Variants in LOC128462377 observed in about 807,000 individuals in gnomAD.
chr16:89,332,862 G>T, the LOC128462377 span, among the ~76,000 whole-genome samples: 10,155 of 152,292 alleles, frequency 0.067, 1,097 homozygotes, highest in African/African-American at 0.23. Context: ...ATGCTCAAAT[G>T]TTTTATTACT....
chr16:89,354,929 C>T, the LOC128462377 span, among the ~76,000 whole-genome samples: 1 of 152,122 alleles, frequency 6.6e-6, no homozygotes, highest in Non-Finnish European at 1.5e-5. Context: ...GTTCTTCTAG[C>T]TCCTTTGGCA....
At chr16:89,321,908 G>A in the LOC128462377 span, among the ~76,000 whole-genome samples, 2 of 152,296 alleles carry the variant, frequency 1.3e-5, no homozygotes, top group South Asian at 2.1e-4. Context: ...AAAACCCGGA[G>A]GACGAAAGCC....
the LOC128462377 span, chr16:89,392,519 A>C: frequency 1.3e-5 from 2 of 152,008 alleles, no homozygotes; most frequent in Non-Finnish European, 1.5e-5. Context: ...CATGTTTTCC[A>C]TGAGCAGCAC....
At chr16:89,387,176 A>G in the LOC128462377 span, among the ~76,000 whole-genome samples, 1 of 152,022 alleles carries the variant, frequency 6.6e-6, no homozygotes, top group Non-Finnish European at 1.5e-5. Context: ...AAGAAGGCCC[A>G]CTAAGGACAC....
the LOC128462377 span, among the ~76,000 whole-genome samples, chr16:89,322,192 T>A: frequency 1.3e-5 from 2 of 152,248 alleles, no homozygotes; most frequent in African/African-American, 4.8e-5. Flanking sequence ...GGGTTTGCTG[T>A]AATTTGTATT....
the LOC128462377 span, among the ~76,000 whole-genome samples, chr16:89,375,768 T>TA: frequency 0.017 from 1,451 of 84,518 alleles, 30 homozygotes; most frequent in African/African-American, 0.058. Context: ...CTCCGTCTCT[T>TA]AAAAAAAAAA....
the LOC128462377 span, chr16:89,340,113 TTGTC>T: frequency 1.3e-5 from 2 of 152,246 alleles, no homozygotes; most frequent in South Asian, 2.1e-4. Flanking sequence ...AAATGAGTAT[TTGTC>T]TGTTTCTTTA....
chr16:89,369,318 C>T, the LOC128462377 span, among the ~76,000 whole-genome samples: 7 of 152,210 alleles, frequency 4.6e-5, no homozygotes, highest in Admixed American at 2.0e-4. Flanking sequence ...TTCACAGCAG[C>T]GCTGCAAAGG....
chr16:89,372,647 T>A, the LOC128462377 span, among the ~76,000 whole-genome samples: 4 of 151,824 alleles, frequency 2.6e-5, no homozygotes, highest in African/African-American at 4.9e-5. Flanking sequence ...AAGAAAAAAA[T>A]TTTTTTGAAA....
the LOC128462377 span, chr16:89,396,170 G>C: frequency 6.6e-6 from 1 of 152,226 alleles, no homozygotes. Context: ...AAAACTCCAA[G>C]AGCAGACAGC....
At chr16:89,362,592 T>C in the LOC128462377 span, among the ~76,000 whole-genome samples, 1,769 of 152,332 alleles carry the variant, frequency 0.012, 28 homozygotes, top group African/African-American at 0.04. Context: ...CCCCATCTAA[T>C]TAAAAATAAA....
chr16:89,376,278 T>A, the LOC128462377 span, among the ~76,000 whole-genome samples: 3 of 152,118 alleles, frequency 2.0e-5, no homozygotes, highest in Non-Finnish European at 4.4e-5. Context: ...GCTGGAGAAG[T>A]GGATGCCAGC....
the LOC128462377 span, among the ~76,000 whole-genome samples, chr16:89,387,614 A>G: frequency 6.7e-6 from 1 of 148,544 alleles, no homozygotes; most frequent in African/African-American, 2.5e-5. Flanking sequence ...CAGAGCTTGC[A>G]GTGAGCCGAG....
At chr16:89,366,224 T>C in the LOC128462377 span, among the ~76,000 whole-genome samples, 1 of 151,066 alleles carries the variant, frequency 6.6e-6, no homozygotes, top group Non-Finnish European at 1.5e-5. Flanking sequence ...CTTTATCCAA[T>C]CCGTCACTGA....
chr16:89,366,129 CAAAA>C, the LOC128462377 span, among the ~76,000 whole-genome samples: 6 of 60,434 alleles, frequency 9.9e-5, no homozygotes, highest in African/African-American at 3.1e-4. Context: ...GACTCCATCT[CAAAA>C]AAAAAAAAAA....
At chr16:89,327,729 C>T in the LOC128462377 span, among the ~76,000 whole-genome samples, 15 of 152,130 alleles carry the variant, frequency 9.9e-5, no homozygotes, top group Admixed American at 9.8e-4. Flanking sequence ...TTTATAGGTG[C>T]TCCAAATAAA....
the LOC128462377 span, among the ~76,000 whole-genome samples, chr16:89,377,901 T>C: frequency 6.6e-6 from 1 of 151,926 alleles, no homozygotes; most frequent in African/African-American, 2.4e-5. Flanking sequence ...CCCTCCTCCT[T>C]CTACTCAATG....
the LOC128462377 span, among the ~76,000 whole-genome samples, chr16:89,346,272 A>G: frequency 2.6e-4 from 37 of 142,812 alleles, no homozygotes; most frequent in African/African-American, 7.5e-4. Context: ...AAAAAAAAAG[A>G]ATCAACACAA....
chr16:89,319,134 C>G, the LOC128462377 span, among the ~76,000 whole-genome samples: 1 of 152,180 alleles, frequency 6.6e-6, no homozygotes, highest in Non-Finnish European at 1.5e-5. Context: ...GGGGCCTTCA[C>G]CATGTAGAGT....
Sources: allele counts gnomAD v4.1 joint callset (sites outside exome capture counted in the v4.1 genomes callset), GRCh38; gene constraint gnomAD v4.1.1; transcripts MANE v1.5.